Variants in SCARA5 observed in about 807,000 individuals in gnomAD.
SCARA5 encodes scavenger receptor class A, member 5 (putative).
SCARA5 carries 45 observed loss-of-function variants against 46.3 expected under a neutral mutation model. The observed-to-expected ratio is 0.97, with a 90% CI of 0.76 to 1.24. The LOEUF is 1.24. Ranked by LOEUF, SCARA5 falls within the 50% of genes most tolerant of loss-of-function variation. The pLI is 0.00. For missense variants in SCARA5, 680 were observed against 689.0 expected, an observed-to-expected ratio of 0.99 and a Z score of 0.15; for synonymous variants, 333 against 306.5, an observed-to-expected ratio of 1.09 and a Z score of -0.90.
At chr8:27,891,789 C>T (rs1806987870) in intron 7 of SCARA5, among the ~76,000 whole-genome samples, 1 of 152,230 alleles carries the variant, frequency 6.6e-6, no homozygotes, top group African/African-American at 2.4e-5. Context: ...TCCCTAATCC[C>T]TCATTTTCCC....
intron 4 of SCARA5, among the ~76,000 whole-genome samples, chr8:27,912,217 T>C (rs1807388883): frequency 6.6e-6 from 1 of 152,158 alleles, no homozygotes; most frequent in Non-Finnish European, 1.5e-5. Flanking sequence ...GCACAATAAA[T>C]ATTTGATGAA....
intron 6 of SCARA5, among the ~76,000 whole-genome samples, chr8:27,905,387 A>G (rs531680469): frequency 6.6e-6 from 1 of 152,218 alleles, no homozygotes; most frequent in South Asian, 2.1e-4. Flanking sequence ...CTCACTGGAC[A>G]TTAAAATGAC....
At chr8:27,880,391 G>GAA (rs1348874675) in intron 7 of SCARA5, among the ~76,000 whole-genome samples, 1 of 92,016 alleles carries the variant, frequency 1.1e-5, no homozygotes, top group South Asian at 3.5e-4. Flanking sequence ...CTTCTGTACA[G>GAA]GAAAAAAAAA....
chr8:27,961,942 T>G (rs1808299953), intron 3 of SCARA5, among the ~76,000 whole-genome samples: 1 of 152,174 alleles, frequency 6.6e-6, no homozygotes, highest in Non-Finnish European at 1.5e-5. Flanking sequence ...AAAAACATCA[T>G]GCATTTGAAG....
intron 6 of SCARA5, among the ~76,000 whole-genome samples, chr8:27,905,534 A>G (rs1379636619): frequency 0.042 from 498 of 11,972 alleles, 97 homozygotes; most frequent in African/African-American, 0.061. Flanking sequence ...GGGGGGGGGA[A>G]AAAAAAAAGG....
At chr8:27,934,171 T>C (rs1211976067) in intron 3 of SCARA5, among the ~76,000 whole-genome samples, 1 of 152,120 alleles carries the variant, frequency 6.6e-6, no homozygotes, top group Non-Finnish European at 1.5e-5. Flanking sequence ...TGGTAGGTGC[T>C]GAGAAGGCAG....
intron 2 of SCARA5, among the ~76,000 whole-genome samples, chr8:27,982,076 C>T (rs897802862): frequency 2.0e-5 from 3 of 152,158 alleles, no homozygotes; most frequent in South Asian, 2.1e-4. Context: ...CTGGAGGCAG[C>T]GAGCGGCCCG....
chr8:27,969,022 T>C (rs1255160955), intron 2 of SCARA5, among the ~76,000 whole-genome samples: 1 of 152,126 alleles, frequency 6.6e-6, no homozygotes. Flanking sequence ...AAATAGAACA[T>C]AATGAGGGTT....
chr8:27,928,724 G>A (rs920366966), intron 3 of SCARA5, among the ~76,000 whole-genome samples: 1 of 151,918 alleles, frequency 6.6e-6, no homozygotes, highest in African/African-American at 2.4e-5. Flanking sequence ...GGAGTGGAGT[G>A]GCATGATCTC....
chr8:27,890,838 G>C (rs919908719), intron 7 of SCARA5, among the ~76,000 whole-genome samples: 2 of 152,188 alleles, frequency 1.3e-5, no homozygotes, highest in Non-Finnish European at 2.9e-5. Flanking sequence ...AACATGTATC[G>C]ATCTAGCCTT....
At chr8:27,931,666 A>T (rs563673157) in intron 3 of SCARA5, among the ~76,000 whole-genome samples, 2 of 152,034 alleles carry the variant, frequency 1.3e-5, no homozygotes, top group East Asian at 3.9e-4. Context: ...TTGCATTTTT[A>T]TTTATTTATT....
At chr8:27,918,656 GA>G (rs1807512821) in intron 4 of SCARA5, among the ~76,000 whole-genome samples, 5 of 4,338 alleles carry the variant, frequency 1.2e-3, no homozygotes, top group Non-Finnish European at 1.2e-3. Context: ...GGAGGAAAAG[GA>G]AGATGAGGAG....
intron 3 of SCARA5, among the ~76,000 whole-genome samples, chr8:27,946,407 C>T (rs1808037908): frequency 6.6e-6 from 1 of 152,226 alleles, no homozygotes; most frequent in African/African-American, 2.4e-5. Context: ...TCCTCAGATG[C>T]TCAGGTCCCT....
In SCARA5 at chr8:27,992,619, C is replaced by T. The variant is rs1407000940; in HGVS notation, c.-378G>A. On this transcript the variant is annotated 5_prime_UTR_variant, in exon 1 of 9. Transcript: ENST00000354914. ...ATGTTCTGAGGAGGCACCGGCAGCT[C>T]CTCTAGGTACTGCCTGAGATGCGAA... 6.6e-6 allele frequency: 1 copy of T among 152,308 alleles called. No homozygotes were observed. The allele number at this position is 152,308 out of a possible 1,614,324, so 9.4% of individuals were successfully genotyped here.
At chr8:27,946,503 T>C (rs1808039301) in intron 3 of SCARA5, among the ~76,000 whole-genome samples, 1 of 152,226 alleles carries the variant, frequency 6.6e-6, no homozygotes, top group Admixed American at 6.5e-5. Flanking sequence ...AAACCAGCCC[T>C]GTTAGCACCT....
intron 1 of SCARA5, among the ~76,000 whole-genome samples, chr8:27,990,085 T>G (rs1808766427): frequency 9.2e-5 from 14 of 152,170 alleles, no homozygotes; most frequent in Admixed American, 9.2e-4. Flanking sequence ...TTCCTCCTCT[T>G]CTGGTCAGCT....
chr8:27,926,983 A>G (rs1807690019), intron 3 of SCARA5, among the ~76,000 whole-genome samples: 1 of 152,116 alleles, frequency 6.6e-6, no homozygotes, highest in Non-Finnish European at 1.5e-5. Context: ...TCAAACTGGG[A>G]TCTTGAGTTC....
At chr8:27,941,800 CATTATT>C (rs71536304) in intron 3 of SCARA5, among the ~76,000 whole-genome samples, 1,606 of 135,262 alleles carry the variant, frequency 0.012, 22 homozygotes, top group African/African-American at 0.035. Context: ...TTTACATCAT[CATTATT>C]ATTATTATTA....
Position 27,922,124 on chromosome 8 carries a change from C to G in SCARA5, c.363G>C (p.Leu121=). ...RLLQAPLQAD[L]TEQVWKVQDA... ...CCTGCACCTTCCACACCTGCTCCGT[C>G]AGGTCCGCTTGCAGCGGAGCCTGCA... Residue 121 remains leucine, a synonymous_variant, in exon 4 of 9, where the codon CTG becomes CTC. Coordinates refer to ENST00000354914, the MANE Select transcript of SCARA5 (RefSeq NM_173833.6). 6.2e-7 allele frequency: 1 copy of G among 1,606,902 alleles called. No individual in the cohort carries two copies. Among genetic ancestry groups the G allele is most frequent in the South Asian group, 1.1e-5 (1 of 89,704 alleles).
Sources: allele counts gnomAD v4.1 joint callset (sites outside exome capture counted in the v4.1 genomes callset), GRCh38; gene constraint gnomAD v4.1.1; transcripts MANE v1.5; gene names NCBI Gene and HGNC (gene_info 2026-07-23, HGNC 2026-07-21).